Variants in DNAH17 observed in about 807,000 individuals in gnomAD.
DNAH17 encodes the protein dynein axonemal heavy chain 17, also known as axonemal beta dynein heavy chain 17.
Under a neutral mutation model 485.6 loss-of-function variants are expected in DNAH17, and 376 were observed. The ratio of observed to expected loss-of-function variants is 0.77; its 90% CI spans 0.71 to 0.84. DNAH17 has a LOEUF of 0.84. DNAH17 is among the 40% of genes least tolerant of loss of function. The pLI is 0.00. For synonymous variants in DNAH17, 3,031 were observed against 2,405.9 expected, an observed-to-expected ratio of 1.26 and a Z score of -7.60; for missense variants, 6,370 against 5,839.3, an observed-to-expected ratio of 1.09 and a Z score of -2.96.
chr17:78,534,318 C>G (rs988408608), intron 19 of DNAH17, among the ~76,000 whole-genome samples: 1 of 152,116 alleles, frequency 6.6e-6, no homozygotes, highest in African/African-American at 2.4e-5. Flanking sequence ...AGGGGTGGCA[C>G]GAGGAAACGG....
intron 11 of DNAH17, among the ~76,000 whole-genome samples, chr17:78,565,793 T>C (rs1402172863): frequency 6.6e-6 from 1 of 151,562 alleles, no homozygotes; most frequent in East Asian, 1.9e-4. Flanking sequence ...CTAGCAAAAA[T>C]AGAAAAATTA....
rs1457112551 is a variant in DNAH17 at position 78,427,038 on chromosome 17, T to G, written c.12659A>C (p.Lys4220Thr). 1 of 1,603,812 alleles carries G rather than the reference T, an allele frequency of 6.2e-7. No individual in the cohort carries two copies. Among genetic ancestry groups the G allele is most frequent in the South Asian group, 1.1e-5 (1 of 89,010 alleles). ...ETFNMAEIMAKAAEKTPYVVV... is the reference protein window; with the variant it reads ...ETFNMAEIMATAAEKTPYVVV... ...CACGTAGGGGGTCTTTTCCGCTGCCTTTGCCATGATCTCAGCCATGTTGAA... is the reference window on the plus strand; with the variant it reads ...CACGTAGGGGGTCTTTTCCGCTGCCGTTGCCATGATCTCAGCCATGTTGAA... Residue 4220 changes from lysine (K) to threonine (T), a missense_variant, in exon 78 of 81, where the codon AAG (lysine) becomes ACG (threonine). Coordinates refer to ENST00000389840, the MANE Select transcript of DNAH17 (RefSeq NM_173628.4).
chr17:78,433,222 A>G (rs1261696667), intron 75 of DNAH17, among the ~76,000 whole-genome samples: 2 of 152,216 alleles, frequency 1.3e-5, no homozygotes, highest in African/African-American at 4.8e-5. Context: ...AAGCTTCGTA[A>G]GAACCGTGCG....
intron 21 of DNAH17, among the ~76,000 whole-genome samples, chr17:78,530,112 G>A (rs529983723): frequency 1.7e-3 from 263 of 152,344 alleles, no homozygotes; most frequent in African/African-American, 6.2e-3. Context: ...TCTGGCACCC[G>A]GACAGAGCAG....
chr17:78,551,777 C>T lies in DNAH17; in HGVS notation c.2288-139G>A. 8.5e-6 allele frequency: 6 copies of T among 704,846 alleles called. No individual in the cohort carries two copies. The South Asian group carries it at 1.0e-4, about 12-fold the overall frequency. 43.7% of individuals were successfully genotyped at this position (704,846 alleles called of 1,614,324 possible). A position where few individuals can be genotyped will look rare whatever the true frequency, so the allele number is the denominator to read the frequency against. ...GGGAGTTCGAGACCAGCCTGGGCAA[C>T]ATGGTGAAACCCCATCTCTACTAAA... On this transcript the variant is annotated intron_variant, in intron 15 of 80. Coordinates refer to ENST00000389840, the MANE Select transcript of DNAH17 (RefSeq NM_173628.4).
Position 78,480,661 on chromosome 17 carries a change from G to A in DNAH17, c.7752+23C>T, listed in dbSNP as rs562339334. The A allele has an allele frequency of 8.2e-6, 13 of 1,594,384 alleles. No homozygotes were observed. In the African/African-American group the frequency reaches 1.6e-4, roughly 20 times the overall value. On this transcript the variant is annotated intron_variant, in intron 49 of 80. Transcript: ENST00000389840. ...GCCTCAGACTCATGGCAGGTGACGGGGATGAGTATGGTTTCTGCTTACCTG... is the reference window on the plus strand; with the variant it reads ...GCCTCAGACTCATGGCAGGTGACGGAGATGAGTATGGTTTCTGCTTACCTG...
chr17:78,463,126 C>T, intron 56 of DNAH17, 49 bp from the exon 57 acceptor site: 1 of 1,573,054 alleles, frequency 6.4e-7, no homozygotes, highest in East Asian at 2.3e-5. Context: ...TCCTGCAAAT[C>T]AGCAAAGTGG....
intron 51 of DNAH17, 181 bp downstream of exon 51, chr17:78,478,841 TACC>T (rs2089223144): frequency 6.9e-6 from 4 of 581,088 alleles, no homozygotes; most frequent in South Asian, 4.5e-5. Flanking sequence ...CCATCACCAT[TACC>T]ACCATCACTA....
intron 14 of DNAH17, among the ~76,000 whole-genome samples, chr17:78,556,234 T>TC (rs1273230368): frequency 1.3e-5 from 2 of 152,154 alleles, no homozygotes; most frequent in Non-Finnish European, 2.9e-5. Flanking sequence ...CATCCATCCC[T>TC]CCATCCTCCC....
At chr17:78,461,220 G>A (rs2088107510) in intron 58 of DNAH17, among the ~76,000 whole-genome samples, 1 of 152,122 alleles carries the variant, frequency 6.6e-6, no homozygotes, top group African/African-American at 2.4e-5. Context: ...TACCATGCAG[G>A]CCCCATTGAG....
chr17:78,458,392 T>G, intron 62 of DNAH17, 173 bp downstream of exon 62: 1 of 617,338 alleles, frequency 1.6e-6, no homozygotes, highest in Non-Finnish European at 2.9e-6. Flanking sequence ...TGGAGGCCAC[T>G]GACTATGCAA....
intron 48 of DNAH17, among the ~76,000 whole-genome samples, chr17:78,484,156 A>G (rs1015649737): frequency 1.3e-5 from 2 of 149,740 alleles, no homozygotes; most frequent in Non-Finnish European, 3.0e-5. Context: ...TCATCTTTCC[A>G]AACTGCAAAC....
intron 68 of DNAH17, 101 bp downstream of exon 68, chr17:78,450,153 C>T (rs1307923457): frequency 1.8e-5 from 26 of 1,432,662 alleles, no homozygotes; most frequent in Non-Finnish European, 2.3e-5. Context: ...TGAGGGTGGC[C>T]CTGGCACTGC....
intron 50 of DNAH17, 68 bp from the exon 51 acceptor site, chr17:78,479,184 G>C (rs1342565103): frequency 1.3e-6 from 2 of 1,504,174 alleles, no homozygotes; most frequent in East Asian, 2.3e-5. Context: ...CAAGCCTCAA[G>C]TTTCTAAAGC....
chr17:78,458,523 G>T, intron 62 of DNAH17, 42 bp downstream of exon 62: 1 of 1,539,390 alleles, frequency 6.5e-7, no homozygotes, highest in East Asian at 2.2e-5. Flanking sequence ...CCCTTTCAGG[G>T]GGTCTGAGAG....
In DNAH17 at chr17:78,558,198, A is replaced by T; in HGVS notation, c.2088T>A (p.Ile696=). 6.2e-7 allele frequency: 1 copy of T among 1,613,860 alleles called. No individual in the cohort carries two copies. The highest frequency in any genetic ancestry group is 8.5e-7 in the Non-Finnish European group (1 of 1,179,826). The change falls in exon 14 of 81, where the codon ATT becomes ATA. Residue 696 remains isoleucine (I), a synonymous_variant. Coordinates refer to ENST00000389840, the MANE Select transcript of DNAH17 (RefSeq NM_173628.4). ...KYLNFQQQKE[I]PDSAESLFSE... ...AGAACAGACTCTCCGCACTGTCTGG[A>T]ATCTCTTTCTGTTGCTGGAAATTCA... is the stretch of plus-strand genomic sequence containing the variant.
chr17:78,466,918 C>T (rs913633049), intron 55 of DNAH17, 102 bp from the exon 56 acceptor site: 89 of 1,294,106 alleles, frequency 6.9e-5, no homozygotes, highest in African/African-American at 6.4e-4. Flanking sequence ...CGCGCCCTGC[C>T]GGGCTCAGCC....
At chr17:78,477,908 TACC>T (rs1017245384) in intron 51 of DNAH17, among the ~76,000 whole-genome samples, 2 of 140,480 alleles carry the variant, frequency 1.4e-5, no homozygotes, top group African/African-American at 2.8e-5. Flanking sequence ...CCATCATCAT[TACC>T]ACATCACCAT....
intron 24 of DNAH17, among the ~76,000 whole-genome samples, chr17:78,526,420 A>G (rs2091074600): frequency 6.6e-6 from 1 of 152,054 alleles, no homozygotes; most frequent in African/African-American, 2.4e-5. Flanking sequence ...TGCGAGACAC[A>G]GAGGGGACAC....
Sources: gnomAD v4.1 joint callset for allele counts (sites outside exome capture counted in the v4.1 genomes callset) on GRCh38, gnomAD v4.1.1 for gene constraint, MANE v1.5 for transcripts, NCBI Gene and HGNC (gene_info 2026-07-23, HGNC 2026-07-21) for gene names.